Variants in RASGRF2 observed in about 807,000 individuals in gnomAD.
The protein encoded by RASGRF2 is Ras protein specific guanine nucleotide releasing factor 2.
Under a neutral mutation model 151.0 loss-of-function variants are expected in RASGRF2, and 76 were observed. The ratio of observed to expected loss-of-function variants is 0.50; its 90% CI spans 0.42 to 0.61. The LOEUF (loss-of-function observed/expected upper bound fraction) is 0.61. RASGRF2 is among the 20% of genes least tolerant of loss of function. The probability of loss-of-function intolerance (pLI) is 0.00; values close to 1 mark genes in which losing one functional copy is unlikely to be tolerated. For missense variants in RASGRF2, 1,148 were observed against 1,564.6 expected, an observed-to-expected ratio of 0.73 and a Z score of 4.49; for synonymous variants, 504 against 566.5, an observed-to-expected ratio of 0.89 and a Z score of 1.57.
At chr5:81,024,071 T>A (rs1267846378) in intron 1 of RASGRF2, among the ~76,000 whole-genome samples, 2 of 152,038 alleles carry the variant, frequency 1.3e-5, no homozygotes, top group East Asian at 3.9e-4. Flanking sequence ...AAGACAGCTG[T>A]CATTTATGGG....
chr5:81,077,040 A>T lies in RASGRF2; in HGVS notation c.888-3081A>T, dbSNP rs1241206507. ...AAGCTGTATACAAGGAAGAGATTAT[A>T]ATAATGAGCCATGGAATCTAAACTG... On this transcript the variant is annotated intron_variant, in intron 5 of 26. Coordinates refer to ENST00000265080, the MANE Select transcript of RASGRF2 (RefSeq NM_006909.3). 5.9e-5 allele frequency among the ~76,000 whole-genome samples: 9 copies of T among 152,202 alleles called. No individual in the cohort carries two copies. The East Asian group carries it at 1.7e-3, about 29-fold the overall frequency.
chr5:81,206,325 C>G (rs997692286), intron 19 of RASGRF2, among the ~76,000 whole-genome samples: 1 of 152,194 alleles, frequency 6.6e-6, no homozygotes, highest in African/African-American at 2.4e-5. Context: ...TATCTGCTGG[C>G]TCCTGCCTGG....
At chr5:81,223,938 CCTT>C (rs1396739347) in intron 26 of RASGRF2, among the ~76,000 whole-genome samples, 1 of 152,100 alleles carries the variant, frequency 6.6e-6, no homozygotes, top group African/African-American at 2.4e-5. Flanking sequence ...ATTTGAAAGA[CCTT>C]CTTAAGCACA....
intron 1 of RASGRF2, among the ~76,000 whole-genome samples, chr5:80,982,549 T>G (rs2112241522): frequency 6.9e-6 from 1 of 144,670 alleles, no homozygotes; most frequent in Middle Eastern, 3.8e-3. Flanking sequence ...GCTGTGTGGC[T>G]GGGGGCTGGA....
chr5:81,033,348 TA>T (rs1267663077), intron 1 of RASGRF2, among the ~76,000 whole-genome samples: 1 of 138,508 alleles, frequency 7.2e-6, no homozygotes, highest in Non-Finnish European at 1.6e-5. Context: ...AAGACAATCC[TA>T]AGCCAAAAGA....
At chr5:81,185,958 G>C (rs1273045291) in intron 18 of RASGRF2, among the ~76,000 whole-genome samples, 10 of 152,160 alleles carry the variant, frequency 6.6e-5, no homozygotes, top group Non-Finnish European at 1.5e-4. Flanking sequence ...TGGTTTACTG[G>C]GACTGGCAAG....
chr5:81,133,922 AGT>A (rs1753686158), intron 17 of RASGRF2, among the ~76,000 whole-genome samples: 1 of 152,050 alleles, frequency 6.6e-6, no homozygotes, highest in African/African-American at 2.4e-5. Flanking sequence ...GGTTAATGTG[AGT>A]TGGGCTTGGA....
At chr5:81,147,297 T>C (rs1754028262) in intron 17 of RASGRF2, among the ~76,000 whole-genome samples, 1 of 152,196 alleles carries the variant, frequency 6.6e-6, no homozygotes, top group African/African-American at 2.4e-5. Context: ...TTCGAAACAC[T>C]TTCTTCCTCT....
At chr5:80,983,298 G>A (rs917373169) in intron 1 of RASGRF2, among the ~76,000 whole-genome samples, 1 of 152,168 alleles carries the variant, frequency 6.6e-6, no homozygotes, top group African/African-American at 2.4e-5. Context: ...ACTGAATGGT[G>A]GACTCTCCAT....
At chr5:81,067,782 T>C (rs1299746908) in intron 2 of RASGRF2, among the ~76,000 whole-genome samples, 1 of 152,238 alleles carries the variant, frequency 6.6e-6, no homozygotes, top group Non-Finnish European at 1.5e-5. Flanking sequence ...CCCACTTCTA[T>C]GGTAAGATTT....
chr5:81,165,477 G>A lies in RASGRF2; in HGVS notation c.2687-14698G>A, dbSNP rs10474649. 3.6e-3 allele frequency among the ~76,000 whole-genome samples: 552 copies of A among 152,276 alleles called. 4 individuals carry two copies. The highest frequency in any genetic ancestry group is 0.013 in the African/African-American group (535 of 41,556). ...GGCCTCCAGTACTGGACCCCAAAGC[G>A]AGGCCCGATTCTTTTCAATTCTTGA... On this transcript the variant is annotated intron_variant, in intron 17 of 26. Coordinates refer to ENST00000265080, the MANE Select transcript of RASGRF2 (RefSeq NM_006909.3).
chr5:81,098,810 T>C (rs1752618833), intron 12 of RASGRF2, among the ~76,000 whole-genome samples: 1 of 152,196 alleles, frequency 6.6e-6, no homozygotes, highest in African/African-American at 2.4e-5. Context: ...TTTCCTTTTA[T>C]AGGAGAGATT....
chr5:81,070,647 C>T, intron 4 of RASGRF2, 66 bp downstream of exon 4: 13 of 1,371,036 alleles, frequency 9.5e-6, no homozygotes, highest in Non-Finnish European at 1.3e-5. Flanking sequence ...ATGGTGGTGT[C>T]TTTGCCACCC....
intron 21 of RASGRF2, 122 bp downstream of exon 21, chr5:81,207,471 G>A (rs73768040): frequency 0.03 from 23,522 of 795,784 alleles, 486 homozygotes; most frequent in African/African-American, 0.06. Flanking sequence ...GTATCTACCA[G>A]TTGTTTCCAT....
In RASGRF2 at chr5:80,961,439, C is replaced by T. The variant is rs1009267508; in HGVS notation, c.288+413C>T. ...TGGAAAAGTTTGATTTCTGCCATAC[C>T]CGGCTGGCGCGTGTAGATTTCTTTG... is the stretch of plus-strand genomic sequence containing the variant. On this transcript the variant is annotated intron_variant, in intron 1 of 26. Coordinates refer to ENST00000265080, the MANE Select transcript of RASGRF2 (RefSeq NM_006909.3). Among the ~76,000 whole-genome samples the T allele has an allele frequency of 5.9e-5, 9 of 152,106 alleles. No individual in the cohort carries two copies. In the East Asian group the frequency reaches 1.7e-3, roughly 29 times the overall value.
chr5:81,158,432 A>G (rs1235107770), intron 17 of RASGRF2, among the ~76,000 whole-genome samples: 1 of 152,244 alleles, frequency 6.6e-6, no homozygotes, highest in Admixed American at 6.5e-5. Flanking sequence ...AGCAAGATCT[A>G]TAAATTTTAA....
intron 17 of RASGRF2, among the ~76,000 whole-genome samples, chr5:81,156,141 G>GA (rs35407668): frequency 0.21 from 30,904 of 149,528 alleles, 3,238 homozygotes; most frequent in East Asian, 0.36. Context: ...TTCAAAAGAA[G>GA]AAAAAAAAAA....
At chr5:80,975,382 G>T (rs1748081338) in intron 1 of RASGRF2, among the ~76,000 whole-genome samples, 3 of 151,892 alleles carry the variant, frequency 2.0e-5, no homozygotes, top group Admixed American at 1.3e-4. Context: ...TCGTTGAGGG[G>T]TGGGTCTGCA....
At chr5:81,014,761 A>T (rs1040741163) in intron 1 of RASGRF2, among the ~76,000 whole-genome samples, 5 of 152,248 alleles carry the variant, frequency 3.3e-5, no homozygotes, top group African/African-American at 1.2e-4. Flanking sequence ...TGCTCAGGGT[A>T]TTCCAGTATA....
Sources: allele counts gnomAD v4.1 joint callset (sites outside exome capture counted in the v4.1 genomes callset), GRCh38; gene constraint gnomAD v4.1.1; transcripts MANE v1.5; gene names NCBI Gene and HGNC (gene_info 2026-07-23, HGNC 2026-07-21).